The following RSPH1 variants were observed in gnomAD, a reference collection of about 807,000 sequenced individuals.
RSPH1 encodes radial spoke head 1 homolog.
Under a neutral mutation model 44.2 loss-of-function variants are expected in RSPH1, and 32 were observed. That is an observed-to-expected ratio of 0.72 (90% CI 0.55 to 0.97). The LOEUF is 0.97. RSPH1 is among the 50% of genes least tolerant of loss of function. The pLI is 0.00. For synonymous variants in RSPH1, 134 were observed against 147.3 expected, an observed-to-expected ratio of 0.91 and a Z score of 0.65; for missense variants, 391 against 398.7, an observed-to-expected ratio of 0.98 and a Z score of 0.16.
At chr21:42,493,117 C>G in intron 1 of RSPH1, 38 bp from the exon 2 acceptor site, 1 of 1,538,186 alleles carries the variant, frequency 6.5e-7, no homozygotes, top group African/African-American at 1.4e-5. Flanking sequence ...AGCTACCATT[C>G]ATTAAGCGCT....
intron 7 of RSPH1, among the ~76,000 whole-genome samples, chr21:42,476,954 C>G (rs1334968221): frequency 1.3e-5 from 2 of 151,924 alleles, no homozygotes; most frequent in African/African-American, 4.8e-5. Context: ...AAGGCGCCCA[C>G]ACCCTCCATC....
intron 6 of RSPH1, among the ~76,000 whole-genome samples, chr21:42,480,149 A>G (rs1017527958): frequency 1.3e-5 from 2 of 152,216 alleles, no homozygotes; most frequent in African/African-American, 4.8e-5. Flanking sequence ...AGAATATCAC[A>G]GGAGCGGGAA....
chr21:42,486,230 T>G, intron 4 of RSPH1, 141 bp downstream of exon 4: 1 of 692,390 alleles, frequency 1.4e-6, no homozygotes, highest in Admixed American at 2.3e-5. Context: ...CTCAAAGCCA[T>G]AGAAAGATTG....
chr21:42,486,251 G>T, intron 4 of RSPH1, 120 bp downstream of exon 4: 1 of 783,564 alleles, frequency 1.3e-6, no homozygotes, highest in Non-Finnish European at 2.2e-6. Context: ...GACCTGCCTG[G>T]CAGAGTTGGT....
chr21:42,476,573 G>A (rs544855352), intron 7 of RSPH1, among the ~76,000 whole-genome samples: 1 of 152,250 alleles, frequency 6.6e-6, no homozygotes, highest in South Asian at 2.1e-4. Context: ...AGGACTTCCA[G>A]AAAGACCACT....
rs75626002 is a variant in RSPH1, at chr21:42,477,307, G to A, written c.711C>T (p.Asp237=). Residue 237 remains aspartate, a synonymous_variant, in exon 7 of 9, where the codon GAC becomes GAT. Transcript: ENST00000291536. ...GCCCCACACTCTCAGCTCCTGGAGC[G>A]TCTTGGCCAGGTCCATCCGTAGAGG... ...KPTSTDGPGQ[D]APGAESAGEP... 418 of 1,586,702 alleles carry A rather than the reference G, an allele frequency of 2.6e-4. 3 individuals are homozygous for A. The African/African-American group carries it at 4.9e-3, about 18-fold the overall frequency.
intron 7 of RSPH1, among the ~76,000 whole-genome samples, chr21:42,476,475 C>T (rs920846560): frequency 9.9e-5 from 15 of 152,176 alleles, no homozygotes; most frequent in African/African-American, 1.2e-4. Context: ...TATTCTTTCA[C>T]GGAGGCCAAT....
At chr21:42,481,726 T>G (rs2054129192) in intron 6 of RSPH1, among the ~76,000 whole-genome samples, 1 of 152,150 alleles carries the variant, frequency 6.6e-6, no homozygotes, top group South Asian at 2.1e-4. Context: ...TGTTGCTGAA[T>G]TGCTAATTAT....
intron 7 of RSPH1, among the ~76,000 whole-genome samples, chr21:42,476,317 GAGA>G (rs1283878250): frequency 6.6e-6 from 1 of 152,062 alleles, no homozygotes; most frequent in Non-Finnish European, 1.5e-5. Flanking sequence ...TCTTGAGAAA[GAGA>G]AGTCCCCTGG....
chr21:42,475,985 T>C lies in RSPH1; in HGVS notation c.790A>G (p.Met264Val). ...TCTGCATCTTCATCTCCAGGCCTCA[T>C]GTCCATCTCACCCTCGAAGCCCTCC... ...LLEGFEGEMDMRPGDEDADVL... is the reference protein window; with the variant it reads ...LLEGFEGEMDVRPGDEDADVL... Residue 264 changes from methionine (M) to valine (V), a missense_variant, in exon 8 of 9, where the codon ATG (methionine) becomes GTG (valine). Physicochemically the swap from Met to Val is conservative, Grantham distance 21. Transcript: ENST00000291536. 1.2e-6 allele frequency: 2 copies of C among 1,613,090 alleles called. No individual in the cohort carries two copies. The highest frequency in any genetic ancestry group is 1.7e-6 in the Non-Finnish European group (2 of 1,179,644).
Position 42,488,019 on chromosome 21 carries a change from G to A in RSPH1, c.275-1558C>T, listed in dbSNP as rs116696523. On this transcript the variant is annotated intron_variant, in intron 3 of 8. Coordinates refer to ENST00000291536, the MANE Select transcript of RSPH1 (RefSeq NM_080860.4). ...CAGCTGAGGACAGGGAAGGCAGCAC[G>A]AAAAGCTGCATGGCACAATTTCAAA... is the stretch of plus-strand genomic sequence containing the variant. 8.0e-3 allele frequency among the ~76,000 whole-genome samples: 1,212 copies of A among 152,262 alleles called. 18 individuals carry two copies. Among genetic ancestry groups the A allele is most frequent in the African/African-American group, 0.027 (1,129 of 41,532 alleles).
intron 8 of RSPH1, among the ~76,000 whole-genome samples, chr21:42,473,447 G>A (rs1437748261): frequency 6.9e-6 from 1 of 145,854 alleles, no homozygotes; most frequent in Non-Finnish European, 1.5e-5. Context: ...CCGAGGTCAC[G>A]CCATTGCACT....
rs1009874484 is a variant in RSPH1, at chr21:42,477,429, C to T, written c.589G>A (p.Glu197Lys). 6.2e-7 allele frequency: 1 copy of T among 1,614,012 alleles called. No homozygotes were observed. Among genetic ancestry groups the T allele is most frequent in the Non-Finnish European group, 8.5e-7 (1 of 1,179,864 alleles). Residue 197 changes from glutamate (E) to lysine (K), a missense_variant, in exon 7 of 9, where the codon GAA becomes AAA. Physicochemically the swap from Glu to Lys is moderately conservative, Grantham distance 56. Coordinates refer to ENST00000291536, the MANE Select transcript of RSPH1 (RefSeq NM_080860.4). ...RLTDMERGEE[E>K]EEEELVTVVP... ...ACAGTTACTAATTCTTCCTCCTCTT[C>T]CTCTTCTCCTCTTTCCTATTTTAAG...
At chr21:42,481,101 GTTT>G (rs2054123616) in intron 6 of RSPH1, among the ~76,000 whole-genome samples, 1 of 152,168 alleles carries the variant, frequency 6.6e-6, no homozygotes, top group Admixed American at 6.5e-5. Flanking sequence ...GGTGGGAGGT[GTTT>G]GGGTCACGGG....
In RSPH1 at chr21:42,493,070, C is replaced by G. The variant is rs967668395; in HGVS notation, c.64G>C (p.Gly22Arg). The G allele has an allele frequency of 2.5e-6, 4 of 1,613,650 alleles. No individual in the cohort carries two copies. Among genetic ancestry groups the G allele is most frequent in the Admixed American group, 3.3e-5 (2 of 59,948 alleles). Residue 22 changes from glycine (G) to arginine (R), a missense_variant, in exon 2 of 9, where the codon GGG (glycine) becomes CGG (arginine). By Grantham distance (125) the Gly-to-Arg change is moderately radical (BLOSUM62 -2). Coordinates refer to ENST00000291536, the MANE Select transcript of RSPH1 (RefSeq NM_080860.4). ...CTTTCGCCTGCCTCATTCCGACCCCCCTCATATTCCTGGGTAATGAAAATT... is the reference window on the plus strand; with the variant it reads ...CTTTCGCCTGCCTCATTCCGACCCCGCTCATATTCCTGGGTAATGAAAATT... ...EGENDIGEYEGGRNEAGERHG... is the reference protein window; with the variant it reads ...EGENDIGEYERGRNEAGERHG...
chr21:42,483,367 G>A (rs1014932035), intron 5 of RSPH1, among the ~76,000 whole-genome samples: 1 of 151,776 alleles, frequency 6.6e-6, no homozygotes, highest in African/African-American at 2.4e-5. Flanking sequence ...TTGATTAGAT[G>A]AGGCTCTAAT....
chr21:42,477,193 C>A, intron 7 of RSPH1, 98 bp downstream of exon 7: 1 of 171,052 alleles, frequency 5.8e-6, no homozygotes. Flanking sequence ...ACCCCTCCAC[C>A]CCACAGCCCG....
Position 42,472,590 on chromosome 21 carries a change from T to C in RSPH1, c.*228A>G. On this transcript the variant is annotated 3_prime_UTR_variant, in exon 9 of 9. Coordinates refer to ENST00000291536, the MANE Select transcript of RSPH1 (RefSeq NM_080860.4). ...AAACCCTCTAATAAAGATTGTTAAC[T>C]GACAGAAGCATTTTGTTTTTGTTTA... 1 of 394,740 alleles carries C rather than the reference T, an allele frequency of 2.5e-6. No homozygotes were observed. 24.5% of individuals were successfully genotyped at this position (394,740 alleles called of 1,614,324 possible).
At chr21:42,481,107 G>C (rs916122717) in intron 6 of RSPH1, among the ~76,000 whole-genome samples, 114 of 152,264 alleles carry the variant, frequency 7.5e-4, no homozygotes, top group African/African-American at 2.6e-3. Context: ...AGGTGTTTGG[G>C]TCACGGGGGC....
Sources: allele counts gnomAD v4.1 joint callset (sites outside exome capture counted in the v4.1 genomes callset), GRCh38; gene constraint gnomAD v4.1.1; transcripts MANE v1.5; gene names NCBI Gene and HGNC (gene_info 2026-07-23, HGNC 2026-07-21).